The following ATRNL1 variants were observed in gnomAD, a reference collection of about 807,000 sequenced individuals.
The protein encoded by ATRNL1 is attractin-like protein 1.
Under a neutral mutation model 182.7 loss-of-function variants are expected in ATRNL1, and 95 were observed. That is an observed-to-expected ratio of 0.52 (90% CI 0.44 to 0.62). The LOEUF (loss-of-function observed/expected upper bound fraction) is 0.62, where lower values mean the gene tolerates loss of function less well. Ranked by LOEUF, ATRNL1 falls within the 20% of genes least tolerant of loss-of-function variation. ATRNL1 has a pLI of 0.00. For synonymous variants in ATRNL1, 576 were observed against 568.3 expected, an observed-to-expected ratio of 1.01 and a Z score of -0.19; for missense variants, 1,471 against 1,679.5, an observed-to-expected ratio of 0.88 and a Z score of 2.17.
At position 115,367,696 on chromosome 10, in the gene ATRNL1, T is replaced by C. The variant is rs563032461; in HGVS notation, c.3176-26963T>C. On this transcript the variant is annotated intron_variant, in intron 19 of 28. Transcript: ENST00000355044. Reference sequence around the variant, plus strand: ...TGATGGTGATGTACATATGGGTTTTTGGTGTGGATGTCCTTTCTGTTTGTT... The same window carrying C: ...TGATGGTGATGTACATATGGGTTTTCGGTGTGGATGTCCTTTCTGTTTGTT... 2.4e-3 allele frequency among the ~76,000 whole-genome samples: 297 copies of C among 123,820 alleles called. 3 individuals carry two copies. Among genetic ancestry groups the C allele is most frequent in the African/African-American group, 7.4e-3 (274 of 36,950 alleles). The allele number at this position is 123,820 out of a possible 152,430, so 81.2% of individuals were successfully genotyped here. A position where few individuals can be genotyped will look rare whatever the true frequency, so the allele number is the denominator to read the frequency against.
chr10:115,423,839 C>T (rs750625505), intron 20 of ATRNL1, among the ~76,000 whole-genome samples: 2 of 152,070 alleles, frequency 1.3e-5, no homozygotes, highest in Non-Finnish European at 2.9e-5. Flanking sequence ...ACGGAGGTAA[C>T]ACTTTATTAC....
At chr10:115,111,664 C>T (rs1844261778) in intron 1 of ATRNL1, among the ~76,000 whole-genome samples, 1 of 152,116 alleles carries the variant, frequency 6.6e-6, no homozygotes, top group Admixed American at 6.5e-5. Flanking sequence ...GCCTCCATGA[C>T]CCAAACTCTT....
intron 26 of ATRNL1, among the ~76,000 whole-genome samples, chr10:115,722,865 A>C (rs1480487351): frequency 6.6e-6 from 1 of 152,176 alleles, no homozygotes; most frequent in Non-Finnish European, 1.5e-5. Context: ...ATTCTAAAAA[A>C]ATAAATGTCT....
intron 1 of ATRNL1, among the ~76,000 whole-genome samples, chr10:115,105,707 G>A (rs1843977677): frequency 1.3e-5 from 2 of 152,220 alleles, no homozygotes; most frequent in African/African-American, 2.4e-5. Context: ...TCAGGCTGTG[G>A]CTTCAGAGGG....
In ATRNL1 at chr10:115,879,312, A is replaced by AAAAAAAAAAAG. The variant is rs781983949; in HGVS notation, c.4018+31324_4018+31325insAAAAAAAGAAA. On this transcript the variant is annotated intron_variant, in intron 28 of 28. Coordinates refer to ENST00000355044, the MANE Select transcript of ATRNL1 (RefSeq NM_207303.4). ...ACGTGCAACTCTCTATCTCAAAAAA[A>AAAAAAAAAAAG]AAAGAAAGAAAGAAAGAAATTTTAT... Among the ~76,000 whole-genome samples the AAAAAAAAAAAG allele has an allele frequency of 1.7e-3, 253 of 150,850 alleles. 1 individual carries two copies. Among genetic ancestry groups the AAAAAAAAAAAG allele is most frequent in the Non-Finnish European group, 3.0e-3 (205 of 67,658 alleles).
At position 115,461,985 on chromosome 10, in the gene ATRNL1, G is replaced by A; in HGVS notation, c.3367G>A (p.Glu1123Lys). 6.2e-7 allele frequency: 1 copy of A among 1,611,032 alleles called. No homozygotes were observed. The highest frequency in any genetic ancestry group is 8.5e-7 in the Non-Finnish European group (1 of 1,178,446). Reference protein sequence around the residue: ...DYQFTFSLLQEDDRHHTAINF... With the variant: ...DYQFTFSLLQKDDRHHTAINF... Reference sequence around the variant, plus strand: ...TCAATTTACCTTCAGCTTATTACAGGAAGATGATCGCCACCATACTGCCAT... The same window carrying A: ...TCAATTTACCTTCAGCTTATTACAGAAAGATGATCGCCACCATACTGCCAT... The change falls in exon 22 of 29, where the codon GAA becomes AAA. Residue 1123 changes from glutamate (E) to lysine (K), a missense_variant. Glu to Lys is a moderately conservative substitution (Grantham distance 56, BLOSUM62 1). This residue lies in a region of ATRNL1 where 437 missense variants were observed against 506.0 expected (regional missense o/e 0.86). Coordinates refer to ENST00000355044, the MANE Select transcript of ATRNL1 (RefSeq NM_207303.4).
chr10:115,765,313 T>C (rs1440583459), intron 27 of ATRNL1, among the ~76,000 whole-genome samples: 2 of 152,212 alleles, frequency 1.3e-5, no homozygotes, highest in Non-Finnish European at 2.9e-5. Flanking sequence ...TGTTGTTTTA[T>C]GTATTTGCCA....
intron 26 of ATRNL1, among the ~76,000 whole-genome samples, chr10:115,708,542 T>C (rs1946969193): frequency 6.6e-6 from 1 of 151,794 alleles, no homozygotes; most frequent in South Asian, 2.1e-4. Flanking sequence ...ATGGCTAAGA[T>C]CTTTGTATAG....
At chr10:115,287,629 C>T (rs970603716) in intron 15 of ATRNL1, among the ~76,000 whole-genome samples, 24 of 152,162 alleles carry the variant, frequency 1.6e-4, no homozygotes, top group Admixed American at 1.2e-3. Flanking sequence ...TGGTTTAATA[C>T]ATATAATGTA....
At chr10:115,901,972 C>T (rs7101077) in intron 28 of ATRNL1, among the ~76,000 whole-genome samples, 78 of 152,166 alleles carry the variant, frequency 5.1e-4, no homozygotes, top group African/African-American at 1.7e-3. Flanking sequence ...CCTTATAGGG[C>T]GCAAAATGTA....
chr10:115,203,024 G>C (rs573330805), intron 8 of ATRNL1, among the ~76,000 whole-genome samples: 1 of 152,044 alleles, frequency 6.6e-6, no homozygotes, highest in South Asian at 2.1e-4. Flanking sequence ...TTGCGTAAAG[G>C]TGTTTGTAGT....
intron 28 of ATRNL1, among the ~76,000 whole-genome samples, chr10:115,867,976 C>T (rs1426048704): frequency 2.0e-5 from 3 of 151,964 alleles, no homozygotes; most frequent in Non-Finnish European, 2.9e-5. Flanking sequence ...GTTGGTGAGG[C>T]TGGTCTCGAA....
At chr10:115,851,764 G>A (rs946603251) in intron 28 of ATRNL1, among the ~76,000 whole-genome samples, 11 of 152,100 alleles carry the variant, frequency 7.2e-5, no homozygotes, top group African/African-American at 2.4e-4. Flanking sequence ...ACTGCAATCC[G>A]TGCCAGACTC....
intron 26 of ATRNL1, among the ~76,000 whole-genome samples, chr10:115,646,036 T>TACACACACACACAC (rs58679995): frequency 0.081 from 11,426 of 141,480 alleles, 599 homozygotes; most frequent in East Asian, 0.11. Flanking sequence ...TTTTAAAATT[T>TACACACACACACAC]ACACACACAC....
intron 26 of ATRNL1, among the ~76,000 whole-genome samples, chr10:115,646,698 C>T (rs1555032578): frequency 6.6e-6 from 1 of 151,050 alleles, no homozygotes; most frequent in Non-Finnish European, 1.5e-5. Flanking sequence ...TCCCTATGGA[C>T]TAATACATAT....
intron 25 of ATRNL1, among the ~76,000 whole-genome samples, chr10:115,534,233 G>T (rs1324435649): frequency 6.6e-6 from 1 of 150,818 alleles, no homozygotes; most frequent in African/African-American, 2.4e-5. Context: ...TATTGTGTGG[G>T]AGTCTAAGTC....
chr10:115,776,996 C>T (rs1241494147), intron 27 of ATRNL1, among the ~76,000 whole-genome samples: 1 of 152,110 alleles, frequency 6.6e-6, no homozygotes, highest in Non-Finnish European at 1.5e-5. Flanking sequence ...GTAATACATA[C>T]TGAAGGTTTT....
At chr10:115,511,965 T>G (rs1192689613) in intron 24 of ATRNL1, among the ~76,000 whole-genome samples, 1 of 151,822 alleles carries the variant, frequency 6.6e-6, no homozygotes, top group Non-Finnish European at 1.5e-5. Context: ...ATTTTGATTA[T>G]TGTTTGAATA....
At chr10:115,273,666 G>A in intron 13 of ATRNL1, among the ~76,000 whole-genome samples, 1 of 152,098 alleles carries the variant, frequency 6.6e-6, no homozygotes, top group East Asian at 1.9e-4. Flanking sequence ...GTCCTTTTTT[G>A]GGTGGTACCT....
Sources: gnomAD v4.1 joint callset for allele counts (sites outside exome capture counted in the v4.1 genomes callset) on GRCh38, gnomAD v4.1.1 for gene constraint, gnomAD v4.1.1 regional missense constraint, MANE v1.5 for transcripts, NCBI Gene and HGNC (gene_info 2026-07-23, HGNC 2026-07-21) for gene names.